The following NRXN3 variants were observed in gnomAD, a reference collection of about 807,000 sequenced individuals.
NRXN3 encodes neurexin 3, also known as neurexin III.
A neutral mutation model predicts 137.6 loss-of-function variants in NRXN3; 32 were observed. The observed-to-expected ratio is 0.23, with a 90% CI of 0.18 to 0.31. The LOEUF (loss-of-function observed/expected upper bound fraction) is 0.31, where lower values mean the gene tolerates loss of function less well. Ranked by LOEUF, NRXN3 falls within the 10% of genes least tolerant of loss-of-function variation. The pLI is 1.00. For missense variants in NRXN3, 1,574 were observed against 2,062.5 expected, an observed-to-expected ratio of 0.76 and a Z score of 4.59; for synonymous variants, 798 against 784.5, an observed-to-expected ratio of 1.02 and a Z score of -0.29.
chr14:78,280,777 G>A (rs1007338333), intron 3 of NRXN3, among the ~76,000 whole-genome samples: 4 of 152,150 alleles, frequency 2.6e-5, no homozygotes, highest in African/African-American at 9.7e-5. Context: ...TAGGCCTTCT[G>A]CCATCCTTTC....
intron 15 of NRXN3, among the ~76,000 whole-genome samples, chr14:79,022,525 C>A (rs1022235795): frequency 6.6e-6 from 1 of 152,132 alleles, no homozygotes; most frequent in Non-Finnish European, 1.5e-5. Context: ...GGAACACACA[C>A]GAAGCCAGAA....
intron 8 of NRXN3, among the ~76,000 whole-genome samples, chr14:78,767,375 A>G (rs1013155227): frequency 6.6e-6 from 1 of 152,246 alleles, no homozygotes; most frequent in Non-Finnish European, 1.5e-5. Context: ...ATAACATCCT[A>G]TCACCTTTGC....
intron 4 of NRXN3, among the ~76,000 whole-genome samples, chr14:78,460,628 G>T (rs532440931): frequency 1.3e-5 from 2 of 152,164 alleles, no homozygotes; most frequent in African/African-American, 4.8e-5. Context: ...CTACTTTCTC[G>T]TCAGGAGCAG....
chr14:79,511,448 C>A (rs190480653), intron 16 of NRXN3, among the ~76,000 whole-genome samples: 15 of 152,330 alleles, frequency 9.8e-5, no homozygotes, highest in East Asian at 3.9e-4. Context: ...AGAAGCATTG[C>A]GTCTCTAAGC....
chr14:78,845,144 G>C (rs892684281), intron 10 of NRXN3, among the ~76,000 whole-genome samples: 1 of 151,932 alleles, frequency 6.6e-6, no homozygotes, highest in Non-Finnish European at 1.5e-5. Flanking sequence ...ACATTTTACA[G>C]AATTATTGTT....
intron 4 of NRXN3, among the ~76,000 whole-genome samples, chr14:78,576,622 G>T (rs938940796): frequency 6.6e-6 from 1 of 152,082 alleles, no homozygotes; most frequent in Non-Finnish European, 1.5e-5. Context: ...AGAGGCACGG[G>T]CAAGCTTATT....
intron 4 of NRXN3, among the ~76,000 whole-genome samples, chr14:78,334,246 A>G (rs1441115602): frequency 6.6e-6 from 1 of 152,068 alleles, no homozygotes; most frequent in Non-Finnish European, 1.5e-5. Flanking sequence ...TTCAGGGGAG[A>G]GGGTCAGGCT....
intron 10 of NRXN3, among the ~76,000 whole-genome samples, chr14:78,954,292 C>T (rs897438776): frequency 6.6e-6 from 1 of 152,170 alleles, no homozygotes; most frequent in Non-Finnish European, 1.5e-5. Context: ...AAGGGTTTTA[C>T]AAAATCCCAC....
rs74685133 is a variant in NRXN3, at chr14:79,439,421, C to G, written c.3263-27800C>G. Among the ~76,000 whole-genome samples the G allele has an allele frequency of 8.9e-3, 1,350 of 152,216 alleles. 26 individuals carry two copies. In the East Asian group the frequency reaches 0.093, roughly 11 times the overall value. On this transcript the variant is annotated intron_variant, in intron 15 of 20. Coordinates refer to ENST00000335750, the MANE Select transcript of NRXN3 (RefSeq NM_001330195.2). ...GTGTCATTTACTTGCTAATGGCCACCACGGTGCCATGCAGTTACAGATTTG... is the reference window on the plus strand; with the variant it reads ...GTGTCATTTACTTGCTAATGGCCACGACGGTGCCATGCAGTTACAGATTTG...
intron 4 of NRXN3, among the ~76,000 whole-genome samples, chr14:78,629,126 A>G (rs2097496270): frequency 6.6e-6 from 1 of 152,174 alleles, no homozygotes; most frequent in African/African-American, 2.4e-5. Context: ...CATCATCACT[A>G]TCATCACCCC....
At chr14:79,636,403 T>C (rs1357232457) in intron 16 of NRXN3, among the ~76,000 whole-genome samples, 2 of 152,186 alleles carry the variant, frequency 1.3e-5, no homozygotes, top group East Asian at 3.9e-4. Context: ...TTTTTGTTTT[T>C]GTTTTTCTTT....
chr14:78,315,656 C>G (rs2078623586), intron 4 of NRXN3, among the ~76,000 whole-genome samples: 1 of 152,150 alleles, frequency 6.6e-6, no homozygotes, highest in Non-Finnish European at 1.5e-5. Context: ...CATCCATAAC[C>G]CAAAAGTGAT....
chr14:79,857,391 T>G (rs2099405035), intron 20 of NRXN3, among the ~76,000 whole-genome samples: 1 of 151,972 alleles, frequency 6.6e-6, no homozygotes, highest in Non-Finnish European at 1.5e-5. Flanking sequence ...CTGGCTAATT[T>G]TTTTGTATTT....
rs546476281 is a variant in NRXN3 at position 78,242,847 on chromosome 14, G to C, written c.-247G>C. On this transcript the variant is annotated 5_prime_UTR_variant, in exon 2 of 21. Transcript: ENST00000335750. ...CCCCACCTGATTTTCCTCCTCTTCT[G>C]CTGGTCCTGTCTTTTTCTACTGCCT... 1 of 465,150 alleles carries C rather than the reference G, an allele frequency of 2.1e-6. No individual in the cohort carries two copies. The highest frequency in any genetic ancestry group is 3.8e-6 in the Non-Finnish European group (1 of 266,322). The allele number at this position is 465,150 out of a possible 1,614,324, so 28.8% of individuals were successfully genotyped here. A position where few individuals can be genotyped will look rare whatever the true frequency, so the allele number is the denominator to read the frequency against.
chr14:79,209,741 G>T (rs1040534853), intron 15 of NRXN3, among the ~76,000 whole-genome samples: 11 of 152,178 alleles, frequency 7.2e-5, no homozygotes, highest in Non-Finnish European at 8.8e-5. Context: ...CTAAAAGAGT[G>T]CTTGGCACAT....
intron 4 of NRXN3, among the ~76,000 whole-genome samples, chr14:78,549,012 C>T (rs2096662084): frequency 6.6e-6 from 1 of 152,228 alleles, no homozygotes; most frequent in African/African-American, 2.4e-5. Context: ...CCAGGACTCT[C>T]ACTTCCCAGA....
chr14:79,614,064 T>A (rs911220413), intron 16 of NRXN3, among the ~76,000 whole-genome samples: 1 of 152,254 alleles, frequency 6.6e-6, no homozygotes, highest in Non-Finnish European at 1.5e-5. Context: ...CACAGTTATC[T>A]GCTATGGTTG....
chr14:78,667,787 T>C (rs2097900408), intron 6 of NRXN3, among the ~76,000 whole-genome samples: 1 of 152,106 alleles, frequency 6.6e-6, no homozygotes, highest in Non-Finnish European at 1.5e-5. Context: ...TGATAGATTA[T>C]CTTTTTTTTT....
rs183115782 is a variant in NRXN3, at chr14:78,516,858, C to A, written c.758-128262C>A. ...AAGAGAAAGTAAATCTGATCATTAA[C>A]ATTATATACAATAAACTGAACTGGG... On this transcript the variant is annotated intron_variant, in intron 4 of 20. Coordinates refer to ENST00000335750, the MANE Select transcript of NRXN3 (RefSeq NM_001330195.2). Among the ~76,000 whole-genome samples the A allele has an allele frequency of 1.1e-4, 17 of 152,234 alleles. No homozygotes were observed. In the South Asian group the frequency reaches 3.3e-3, roughly 30 times the overall value.
Sources: gnomAD v4.1 joint callset for allele counts (sites outside exome capture counted in the v4.1 genomes callset) on GRCh38, gnomAD v4.1.1 for gene constraint, MANE v1.5 for transcripts, NCBI Gene and HGNC (gene_info 2026-07-23, HGNC 2026-07-21) for gene names.